Variants in GALNT1 observed in about 807,000 individuals in gnomAD.
GALNT1 encodes the protein GalNAc transferase 1.
GALNT1 carries 17 observed loss-of-function variants against 65.7 expected under a neutral mutation model. That is an observed-to-expected ratio of 0.26 (90% CI 0.18 to 0.39). The LOEUF (loss-of-function observed/expected upper bound fraction) is 0.39, where lower values mean the gene tolerates loss of function less well. Ranked by LOEUF, GALNT1 falls within the 10% of genes least tolerant of loss-of-function variation. GALNT1 has a pLI of 1.00. For missense variants in GALNT1, 460 were observed against 672.8 expected (o/e 0.68, Z 3.50); for synonymous variants, 210 against 219.7 (o/e 0.96, Z 0.39).
intron 5 of GALNT1, among the ~76,000 whole-genome samples, chr18:35,686,227 G>A (rs888238211): frequency 2.6e-5 from 4 of 152,204 alleles, no homozygotes; most frequent in Middle Eastern, 3.4e-3. Flanking sequence ...AAAAAATCTT[G>A]AGAGAGAAAT....
At chr18:35,616,105 T>C (rs973214425) in intron 1 of GALNT1, among the ~76,000 whole-genome samples, 2 of 152,154 alleles carry the variant, frequency 1.3e-5, no homozygotes, top group Admixed American at 6.6e-5. Context: ...TACATCAATA[T>C]GGATGAGTCT....
intron 11 of GALNT1, among the ~76,000 whole-genome samples, chr18:35,705,827 C>T (rs1244743354): frequency 1.3e-5 from 2 of 152,108 alleles, no homozygotes; most frequent in African/African-American, 2.4e-5. Context: ...TCAGGGATAA[C>T]GTTGTTGTAA....
chr18:35,684,288 C>T (rs901617436), intron 5 of GALNT1, among the ~76,000 whole-genome samples: 3 of 152,088 alleles, frequency 2.0e-5, no homozygotes, highest in South Asian at 2.1e-4. Flanking sequence ...TCAAGTGGAA[C>T]ACGGTGGGAG....
chr18:35,685,484 T>C, intron 5 of GALNT1, among the ~76,000 whole-genome samples: 1 of 132,318 alleles, frequency 7.6e-6, no homozygotes. Context: ...AAGGATGGCT[T>C]AAAAAAAAAA....
At chr18:35,655,078 G>T (rs1352324430) in intron 2 of GALNT1, among the ~76,000 whole-genome samples, 1 of 152,064 alleles carries the variant, frequency 6.6e-6, no homozygotes. Flanking sequence ...AATAATGTGG[G>T]TATCTCATAG....
At chr18:35,692,731 C>G (rs1312152496) in intron 9 of GALNT1, among the ~76,000 whole-genome samples, 1 of 151,730 alleles carries the variant, frequency 6.6e-6, no homozygotes, top group African/African-American at 2.4e-5. Flanking sequence ...AAATATGAAG[C>G]CAAGTAGGGA....
intron 5 of GALNT1, 60 bp downstream of exon 5, chr18:35,683,658 G>A (rs1451065893): frequency 3.1e-6 from 4 of 1,271,844 alleles, no homozygotes; most frequent in East Asian, 2.5e-5. Flanking sequence ...TATATGGTGA[G>A]TTGCCAAATT....
At chr18:35,691,301 G>C (rs2144660656) in intron 8 of GALNT1, 109 bp downstream of exon 8, 1 of 833,214 alleles carries the variant, frequency 1.2e-6, no homozygotes, top group East Asian at 2.7e-5. Flanking sequence ...GTGAACACCT[G>C]CCTCATAAGG....
At chr18:35,689,339 A>T in intron 7 of GALNT1, 49 bp downstream of exon 7, 1 of 1,003,446 alleles carries the variant, frequency 1.0e-6, no homozygotes. Flanking sequence ...TCAAGTATAG[A>T]TGTGCATTGA....
At chr18:35,584,924 G>A (rs545776168) in intron 1 of GALNT1, among the ~76,000 whole-genome samples, 1 of 152,310 alleles carries the variant, frequency 6.6e-6, no homozygotes, top group East Asian at 1.9e-4. Context: ...TTGGGGGTTG[G>A]GGACCCCTGT....
intron 1 of GALNT1, among the ~76,000 whole-genome samples, chr18:35,592,980 T>C (rs988531947): frequency 2.0e-4 from 30 of 152,206 alleles, no homozygotes; most frequent in African/African-American, 7.0e-4. Flanking sequence ...AATAAATCAA[T>C]GTACTTGTCT....
At chr18:35,646,097 C>T (rs974655760) in intron 1 of GALNT1, among the ~76,000 whole-genome samples, 1 of 152,066 alleles carries the variant, frequency 6.6e-6, no homozygotes, top group Non-Finnish European at 1.5e-5. Flanking sequence ...GACTAGGAGG[C>T]CTCAGGAAAC....
intron 5 of GALNT1, among the ~76,000 whole-genome samples, chr18:35,685,646 CATTT>C (rs201412917): frequency 1.7e-3 from 252 of 152,242 alleles, no homozygotes; most frequent in African/African-American, 5.8e-3. Context: ...AAATAAAGAA[CATTT>C]ATTTATTGGA....
intron 1 of GALNT1, among the ~76,000 whole-genome samples, chr18:35,627,080 GAACA>G (rs1283584202): frequency 6.6e-6 from 1 of 152,220 alleles, no homozygotes; most frequent in African/African-American, 2.4e-5. Flanking sequence ...GTTGGATAAG[GAACA>G]AACAGTGTCT....
Position 35,692,342 on chromosome 18 carries a change from A to T in GALNT1, c.1299+22A>T, listed in dbSNP as rs201239986. 2,878 of 1,349,848 alleles carry T rather than the reference A, an allele frequency of 2.1e-3. 4 individuals carry two copies. Among genetic ancestry groups the T allele is most frequent in the Non-Finnish European group, 2.4e-3 (2,372 of 1,005,978 alleles). The allele number at this position is 1,349,848 out of a possible 1,614,324, so 83.6% of individuals were successfully genotyped here. On this transcript the variant is annotated intron_variant, in intron 9 of 11. Coordinates refer to ENST00000269195, the MANE Select transcript of GALNT1 (RefSeq NM_020474.4). ...AGAGGTAAGAAATATATATATATATATTCTATGTGGTTATTATGTTCTTAC... is the reference window on the plus strand; with the variant it reads ...AGAGGTAAGAAATATATATATATATTTTCTATGTGGTTATTATGTTCTTAC...
chr18:35,650,388 C>A (rs116291467), intron 1 of GALNT1, among the ~76,000 whole-genome samples: 1,587 of 152,100 alleles, frequency 0.01, 32 homozygotes, highest in African/African-American at 0.036. Flanking sequence ...AGGATCGTGG[C>A]GAAATTAAAA....
chr18:35,661,074 G>A (rs1045945031), intron 2 of GALNT1, among the ~76,000 whole-genome samples: 13 of 152,008 alleles, frequency 8.6e-5, no homozygotes, highest in Non-Finnish European at 2.9e-5. Context: ...TTAAGCTTCT[G>A]GTTATATAAT....
chr18:35,605,564 A>C (rs1333147397), intron 1 of GALNT1, among the ~76,000 whole-genome samples: 4 of 151,608 alleles, frequency 2.6e-5, no homozygotes, highest in Admixed American at 2.6e-4. Flanking sequence ...TATTTTTTAA[A>C]ACTCTTAGAT....
chr18:35,705,202 C>CATCTAGGAAAGTATT (rs2048236191), intron 11 of GALNT1, among the ~76,000 whole-genome samples: 1 of 152,204 alleles, frequency 6.6e-6, no homozygotes, highest in Non-Finnish European at 1.5e-5. Flanking sequence ...TCCTAGTTCA[C>CATCTAGGAAAGTATT]ATCTAAGATA....
Sources: allele counts gnomAD v4.1 joint callset (sites outside exome capture counted in the v4.1 genomes callset), GRCh38; gene constraint gnomAD v4.1.1; transcripts MANE v1.5; gene names NCBI Gene and HGNC (gene_info 2026-07-23, HGNC 2026-07-21).